NALF1: variants seen among roughly 807,000 people sequenced by gnomAD.
NALF1 encodes NALCN channel auxiliary factor 1.
A neutral mutation model predicts 48.4 loss-of-function variants in NALF1; 3 were observed. The observed-to-expected ratio is 0.06, with a 90% CI of 0.03 to 0.16. The LOEUF is 0.16. NALF1 is among the 10% of genes least tolerant of loss of function. The pLI, the probability that NALF1 is intolerant of heterozygous loss-of-function variation, is 1.00. For synonymous variants in NALF1, 262 were observed against 245.7 expected (o/e 1.07, Z -0.62); for missense variants, 526 against 571.5 (o/e 0.92, Z 0.81).
intron 1 of NALF1, among the ~76,000 whole-genome samples, chr13:107,580,640 T>C (rs1180372439): frequency 6.6e-6 from 1 of 152,224 alleles, no homozygotes; most frequent in Non-Finnish European, 1.5e-5. Context: ...AAAGAAAGAA[T>C]GTTTTCTTGC....
At chr13:107,620,277 C>T (rs560067386) in intron 1 of NALF1, among the ~76,000 whole-genome samples, 2 of 152,078 alleles carry the variant, frequency 1.3e-5, no homozygotes, top group African/African-American at 4.8e-5. Context: ...AGGGGAAATA[C>T]CCCTGGTACT....
intron 1 of NALF1, among the ~76,000 whole-genome samples, chr13:107,805,560 A>G (rs1207362172): frequency 6.6e-6 from 1 of 152,180 alleles, no homozygotes; most frequent in Non-Finnish European, 1.5e-5. Context: ...AATCCACTGC[A>G]GAGTTTATCT....
At chr13:107,691,183 G>C (rs1348773331) in intron 1 of NALF1, among the ~76,000 whole-genome samples, 2 of 152,174 alleles carry the variant, frequency 1.3e-5, no homozygotes, top group African/African-American at 4.8e-5. Context: ...TGATGCTTCT[G>C]CAAGCCAAGG....
Position 107,787,675 on chromosome 13 carries a change from A to G in NALF1, c.915+78007T>C, listed in dbSNP as rs1358506837. Among the ~76,000 whole-genome samples the G allele has an allele frequency of 2.0e-5, 3 of 152,220 alleles. No individual in the cohort carries two copies. The East Asian group carries it at 5.8e-4, about 29-fold the overall frequency. ...TCTAGTAAATGATTAAGTACAATTA[A>G]GTATTTCTGAAGTTATGTTTTTAGA... On this transcript the variant is annotated intron_variant, in intron 1 of 2. Transcript: ENST00000375915.
intron 2 of NALF1, among the ~76,000 whole-genome samples, chr13:107,186,732 T>C (rs1879183274): frequency 6.6e-6 from 1 of 152,224 alleles, no homozygotes; most frequent in South Asian, 2.1e-4. Context: ...TCTGTATTCA[T>C]TTTCCCTTGC....
intron 1 of NALF1, among the ~76,000 whole-genome samples, chr13:107,807,497 T>C (rs559005253): frequency 5.9e-5 from 9 of 152,232 alleles, no homozygotes; most frequent in Non-Finnish European, 1.2e-4. Context: ...AGCCAGTAGA[T>C]GGCTGCCAGC....
intron 2 of NALF1, among the ~76,000 whole-genome samples, chr13:107,176,184 A>G (rs567742154): frequency 4.6e-5 from 7 of 152,350 alleles, no homozygotes; most frequent in Admixed American, 3.9e-4. Flanking sequence ...ACTAATTAGC[A>G]TTAGGAAAAA....
At chr13:107,731,817 G>T (rs897908090) in intron 1 of NALF1, among the ~76,000 whole-genome samples, 1 of 152,216 alleles carries the variant, frequency 6.6e-6, no homozygotes, top group Admixed American at 6.5e-5. Flanking sequence ...TGGTCATTTA[G>T]GTTGATCCCA....
intron 1 of NALF1, among the ~76,000 whole-genome samples, chr13:107,652,802 C>T (rs1278399506): frequency 6.6e-6 from 1 of 152,116 alleles, no homozygotes; most frequent in African/African-American, 2.4e-5. Context: ...TGCCAACAAA[C>T]TAATCATCCT....
intron 1 of NALF1, among the ~76,000 whole-genome samples, chr13:107,504,378 C>T (rs1365573225): frequency 1.3e-5 from 2 of 151,774 alleles, no homozygotes; most frequent in Non-Finnish European, 2.9e-5. Flanking sequence ...GATTAATGTT[C>T]ATAAGTTTAT....
chr13:107,754,894 T>A (rs921887094), intron 1 of NALF1, among the ~76,000 whole-genome samples: 10 of 152,202 alleles, frequency 6.6e-5, no homozygotes, highest in Non-Finnish European at 1.5e-4. Context: ...TAAGTACAGT[T>A]TTACTCTTCA....
intron 1 of NALF1, among the ~76,000 whole-genome samples, chr13:107,425,838 A>G (rs1884270500): frequency 6.6e-6 from 1 of 152,168 alleles, no homozygotes; most frequent in Non-Finnish European, 1.5e-5. Flanking sequence ...GATATTAGAT[A>G]TCTCTGTACT....
At chr13:107,536,422 A>G (rs2139113899) in intron 1 of NALF1, among the ~76,000 whole-genome samples, 1 of 152,332 alleles carries the variant, frequency 6.6e-6, no homozygotes, top group Middle Eastern at 3.4e-3. Context: ...GGCAAAGGAT[A>G]TGAACAGACA....
intron 1 of NALF1, among the ~76,000 whole-genome samples, chr13:107,825,090 C>G (rs538458535): frequency 1.3e-3 from 193 of 152,220 alleles, no homozygotes; most frequent in Middle Eastern, 6.8e-3. Context: ...AATAAACCAG[C>G]TTCATAAAAA....
At chr13:107,589,447 A>G (rs1000594771) in intron 1 of NALF1, among the ~76,000 whole-genome samples, 5 of 152,054 alleles carry the variant, frequency 3.3e-5, no homozygotes, top group Admixed American at 1.3e-4. Flanking sequence ...GCATTGAATC[A>G]ACAGCAAATT....
At chr13:107,427,453 T>G (rs1176025429) in intron 1 of NALF1, among the ~76,000 whole-genome samples, 6 of 149,646 alleles carry the variant, frequency 4.0e-5, no homozygotes, top group Non-Finnish European at 3.0e-5. Context: ...AATTTTATTT[T>G]CATTTTATTT....
intron 1 of NALF1, among the ~76,000 whole-genome samples, chr13:107,299,715 T>C (rs914897932): frequency 2.7e-5 from 4 of 146,344 alleles, no homozygotes; most frequent in African/African-American, 1.0e-4. Context: ...TTTATTTATT[T>C]ATTCGATTAT....
intron 1 of NALF1, among the ~76,000 whole-genome samples, chr13:107,263,778 G>C (rs1880984156): frequency 6.6e-6 from 1 of 152,140 alleles, no homozygotes; most frequent in Non-Finnish European, 1.5e-5. Context: ...TTCATCAGCA[G>C]TGTGAAAATG....
chr13:107,762,170 G>A (rs1287994411), intron 1 of NALF1, among the ~76,000 whole-genome samples: 1 of 151,760 alleles, frequency 6.6e-6, no homozygotes, highest in African/African-American at 2.4e-5. Flanking sequence ...GGAATGAAAT[G>A]ATGAGCAAGA....
Sources: gnomAD v4.1 joint callset for allele counts (sites outside exome capture counted in the v4.1 genomes callset) on GRCh38, gnomAD v4.1.1 for gene constraint, MANE v1.5 for transcripts, NCBI Gene and HGNC (gene_info 2026-07-23, HGNC 2026-07-21) for gene names.